Variants in SYNGR4 observed in about 807,000 individuals in gnomAD.
The protein encoded by SYNGR4 is synaptogyrin-4.
SYNGR4 carries 15 observed loss-of-function variants against 15.5 expected under a neutral mutation model. That is an observed-to-expected ratio of 0.97 (90% CI 0.65 to 1.49). SYNGR4 has a LOEUF of 1.49. Ranked by LOEUF, SYNGR4 falls within the 40% of genes most tolerant of loss-of-function variation. The pLI is 0.00. For synonymous variants in SYNGR4, 121 were observed against 127.4 expected (o/e 0.95, Z 0.34); for missense variants, 292 against 299.3 (o/e 0.98, Z 0.18).
intron 2 of SYNGR4, among the ~76,000 whole-genome samples, chr19:48,369,726 G>A (rs1438531038): frequency 6.6e-6 from 1 of 152,208 alleles, no homozygotes; most frequent in Non-Finnish European, 1.5e-5. Context: ...CCACCACGTG[G>A]GGCCGGTGTG....
intron 3 of SYNGR4, among the ~76,000 whole-genome samples, chr19:48,374,736 G>A (rs1970374004): frequency 6.6e-6 from 1 of 152,192 alleles, no homozygotes; most frequent in African/African-American, 2.4e-5. Flanking sequence ...AGCACTTTGG[G>A]AGGCCAAGGC....
At chr19:48,367,286 A>T (rs1424050917) in intron 2 of SYNGR4, among the ~76,000 whole-genome samples, 3 of 151,788 alleles carry the variant, frequency 2.0e-5, no homozygotes, top group African/African-American at 7.3e-5. Context: ...CAAAAAAATT[A>T]GCTGGGTGTG....
Position 48,365,812 on chromosome 19 carries a change from C to T in SYNGR4, c.-31C>T, listed in dbSNP as rs374997512. ...CAGCGCCCAGCACCCTGGCTCCCAC[C>T]TCCCAGTGGCCCCAAAGGAAAACAG... is the stretch of plus-strand genomic sequence containing the variant. On this transcript the variant is annotated 5_prime_UTR_variant, in exon 2 of 5. Transcript: ENST00000344846. 4 of 1,611,944 alleles carry T rather than the reference C, an allele frequency of 2.5e-6. No homozygotes were observed. Among genetic ancestry groups the T allele is most frequent in the Non-Finnish European group, 3.4e-6 (4 of 1,179,124 alleles).
intron 2 of SYNGR4, among the ~76,000 whole-genome samples, chr19:48,371,806 C>T (rs1970312707): frequency 6.6e-6 from 1 of 151,816 alleles, no homozygotes; most frequent in Admixed American, 6.6e-5. Flanking sequence ...AGGCTGGTCT[C>T]CTGAGCTCAA....
intron 1 of SYNGR4, among the ~76,000 whole-genome samples, chr19:48,365,339 AAC>A (rs1970185455): frequency 5.6e-5 from 3 of 54,002 alleles, no homozygotes; most frequent in Non-Finnish European, 9.9e-5. Context: ...CTCTCCACAC[AAC>A]ACCTTTCCTG....
intron 2 of SYNGR4, among the ~76,000 whole-genome samples, chr19:48,371,578 ATTT>A (rs34660677): frequency 1.4e-5 from 2 of 141,880 alleles, no homozygotes. Context: ...TGACCAGCTG[ATTT>A]TTTTTTTTTT....
At chr19:48,367,683 G>A (rs900624273) in intron 2 of SYNGR4, among the ~76,000 whole-genome samples, 4 of 152,256 alleles carry the variant, frequency 2.6e-5, no homozygotes, top group East Asian at 1.9e-4. Flanking sequence ...GGTGGTAACC[G>A]TGTGCCAGGC....
Position 48,369,128 on chromosome 19 carries a change from C to A in SYNGR4, c.93+3193C>A, listed in dbSNP as rs183033891. 2.6e-3 allele frequency among the ~76,000 whole-genome samples: 397 copies of A among 152,244 alleles called. 2 individuals are homozygous for A. Among genetic ancestry groups the A allele is most frequent in the Non-Finnish European group, 5.1e-3 (346 of 68,014 alleles). On this transcript the variant is annotated intron_variant, in intron 2 of 4. Coordinates refer to ENST00000344846, the MANE Select transcript of SYNGR4 (RefSeq NM_012451.4). ...CGCCTCCTTCCACCGTCCCTACCCC[C>A]CCGCCCTCTCCTCCTTCCCCCCTGG...
chr19:48,372,835 A>G (rs1486475399), intron 2 of SYNGR4, among the ~76,000 whole-genome samples: 1 of 152,196 alleles, frequency 6.6e-6, no homozygotes, highest in East Asian at 1.9e-4. Flanking sequence ...TTGCAAATGA[A>G]CCTAAGAAAT....
chr19:48,371,923 C>T (rs1018572589), intron 2 of SYNGR4, among the ~76,000 whole-genome samples: 9 of 150,278 alleles, frequency 6.0e-5, no homozygotes, highest in East Asian at 2.0e-4. Flanking sequence ...TCTCTCGCCT[C>T]GGCTGGAGTG....
intron 2 of SYNGR4, among the ~76,000 whole-genome samples, chr19:48,366,476 C>T (rs1041447509): frequency 2.6e-5 from 4 of 151,964 alleles, no homozygotes; most frequent in African/African-American, 9.7e-5. Context: ...GCGTGATCTC[C>T]GCTCACTGGA....
chr19:48,369,050 A>C (rs1970264965), intron 2 of SYNGR4, among the ~76,000 whole-genome samples: 1 of 152,084 alleles, frequency 6.6e-6, no homozygotes, highest in South Asian at 2.1e-4. Flanking sequence ...GCGGGGAAGG[A>C]GGAGGAAGAG....
chr19:48,366,056 C>T (rs528325635), intron 2 of SYNGR4, 121 bp downstream of exon 2: 30 of 1,020,536 alleles, frequency 2.9e-5, no homozygotes, highest in African/African-American at 1.4e-4. Context: ...AACAAGACAA[C>T]GGAGCAAATG....
At chr19:48,366,173 A>G (rs1009853015) in intron 2 of SYNGR4, among the ~76,000 whole-genome samples, 2 of 152,312 alleles carry the variant, frequency 1.3e-5, no homozygotes, top group African/African-American at 4.8e-5. Flanking sequence ...TGCAAGTCCC[A>G]TCTCTGAGAT....
rs953051001 is a variant in SYNGR4 at position 48,376,146 on chromosome 19, G to A, written c.533G>A (p.Arg178His). ...AATGATGCTCCAGTCCCTTACAAGC[G>A]CTTCCTGGATGAGGGTGGCATGGTG... Reference protein sequence around the residue: ...LRNDAPVPYKRFLDEGGMVLT... With the variant: ...LRNDAPVPYKHFLDEGGMVLT... Residue 178 changes from arginine (R) to histidine (H), a missense_variant, in exon 5 of 5, where the codon CGC (arginine) becomes CAC (histidine). Coordinates refer to ENST00000344846, the MANE Select transcript of SYNGR4 (RefSeq NM_012451.4). 20 of 1,613,908 alleles carry A rather than the reference G, an allele frequency of 1.2e-5. No individual in the cohort carries two copies. Among genetic ancestry groups the A allele is most frequent in the African/African-American group, 2.7e-5 (2 of 74,878 alleles).
At position 48,376,214 on chromosome 19, in the gene SYNGR4, A is replaced by G. The variant is rs371492736; in HGVS notation, c.601A>G (p.Met201Val). ...PLPSANSPVNMPTTGPNSLSY... is the reference protein window; with the variant it reads ...PLPSANSPVNVPTTGPNSLSY... ...GCCCTCTGCCAACAGCCCTGTGAAC[A>G]TGCCCACCACTGGCCCCAACAGCCT... Residue 201 changes from methionine to valine, a missense_variant, in exon 5 of 5, where the codon ATG becomes GTG. Coordinates refer to ENST00000344846, the MANE Select transcript of SYNGR4 (RefSeq NM_012451.4). 6.2e-7 allele frequency: 1 copy of G among 1,614,032 alleles called. No individual in the cohort carries two copies. The highest frequency in any genetic ancestry group is 8.5e-7 in the Non-Finnish European group (1 of 1,179,994).
At chr19:48,371,014 T>C (rs1249642237) in intron 2 of SYNGR4, among the ~76,000 whole-genome samples, 2 of 152,136 alleles carry the variant, frequency 1.3e-5, no homozygotes, top group Admixed American at 6.6e-5. Flanking sequence ...AATCCTCCCA[T>C]GCATAATATT....
intron 4 of SYNGR4, 119 bp downstream of exon 4, chr19:48,375,871 TC>T: frequency 6.6e-7 from 1 of 1,524,730 alleles, no homozygotes; most frequent in Non-Finnish European, 8.7e-7. Flanking sequence ...GGTCGGGGGT[TC>T]CCCCAGGACT....
intron 2 of SYNGR4, among the ~76,000 whole-genome samples, chr19:48,370,181 G>T (rs1247651047): frequency 6.6e-6 from 1 of 152,152 alleles, no homozygotes; most frequent in East Asian, 1.9e-4. Flanking sequence ...GTCTAGCGCT[G>T]GGTGCTGGGG....
Sources: gnomAD v4.1 joint callset for allele counts (sites outside exome capture counted in the v4.1 genomes callset) on GRCh38, gnomAD v4.1.1 for gene constraint, MANE v1.5 for transcripts, NCBI Gene and HGNC (gene_info 2026-07-23, HGNC 2026-07-21) for gene names.